The following MNAT1 variants were observed in gnomAD, a reference collection of about 807,000 sequenced individuals.
The protein encoded by MNAT1 is CDK-activating kinase assembly factor MAT1.
MNAT1 carries 43 observed loss-of-function variants against 42.0 expected under a neutral mutation model. The observed-to-expected ratio is 1.02, with a 90% CI of 0.80 to 1.32. The LOEUF (loss-of-function observed/expected upper bound fraction) is 1.32, where lower values mean the gene tolerates loss of function less well. MNAT1 is among the 40% of genes most tolerant of loss of function. MNAT1 has a pLI of 0.00. For synonymous variants in MNAT1, 118 were observed against 120.0 expected, an observed-to-expected ratio of 0.98 and a Z score of 0.11; for missense variants, 306 against 350.4, an observed-to-expected ratio of 0.87 and a Z score of 1.01.
intron 7 of MNAT1, among the ~76,000 whole-genome samples, chr14:60,906,344 T>A (rs1305327310): frequency 6.6e-6 from 1 of 152,124 alleles, no homozygotes; most frequent in Admixed American, 6.6e-5. Context: ...CATAGGAGAA[T>A]TTTGAACAGA....
chr14:60,776,575 G>C (rs1298928200), intron 1 of MNAT1, among the ~76,000 whole-genome samples: 1 of 152,104 alleles, frequency 6.6e-6, no homozygotes, highest in Non-Finnish European at 1.5e-5. Flanking sequence ...TGTCCTGGGG[G>C]GGGAGGAGCA....
chr14:60,757,193 A>G (rs1440459484), intron 1 of MNAT1, among the ~76,000 whole-genome samples: 3 of 152,138 alleles, frequency 2.0e-5, no homozygotes, highest in African/African-American at 7.2e-5. Context: ...GGAGTAATTT[A>G]TTTTGTGGAA....
At chr14:60,958,126 C>T (rs2036518968) in intron 7 of MNAT1, among the ~76,000 whole-genome samples, 1 of 152,168 alleles carries the variant, frequency 6.6e-6, no homozygotes, top group South Asian at 2.1e-4. Context: ...CTTGAGCCAC[C>T]GTGCCCACTC....
intron 7 of MNAT1, among the ~76,000 whole-genome samples, chr14:60,965,676 T>C (rs759602083): frequency 1.3e-5 from 2 of 152,246 alleles, no homozygotes; most frequent in Non-Finnish European, 2.9e-5. Context: ...TCATTTATGA[T>C]GTTTGGCTTT....
At chr14:60,741,436 G>A (rs1185463087) in intron 1 of MNAT1, among the ~76,000 whole-genome samples, 3 of 151,652 alleles carry the variant, frequency 2.0e-5, no homozygotes, top group Non-Finnish European at 2.9e-5. Flanking sequence ...CTCAGCTCAC[G>A]GCAAGCTCCG....
chr14:60,864,932 G>A (rs1293106236), intron 6 of MNAT1, among the ~76,000 whole-genome samples: 1 of 151,944 alleles, frequency 6.6e-6, no homozygotes, highest in African/African-American at 2.4e-5. Flanking sequence ...TTCTACAATG[G>A]GAATGGCAAA....
intron 1 of MNAT1, among the ~76,000 whole-genome samples, chr14:60,769,709 C>CAGTG (rs1416004788): frequency 6.6e-6 from 1 of 152,170 alleles, no homozygotes; most frequent in African/African-American, 2.4e-5. Flanking sequence ...GACTGGAGTG[C>CAGTG]AGTGGCACCA....
At chr14:60,917,978 A>T (rs575007007) in intron 7 of MNAT1, among the ~76,000 whole-genome samples, 2 of 152,090 alleles carry the variant, frequency 1.3e-5, no homozygotes, top group East Asian at 3.9e-4. Context: ...TCAAAATTCA[A>T]TTTGGATTCA....
chr14:60,951,266 CT>C (rs33970682), intron 7 of MNAT1, among the ~76,000 whole-genome samples: 2,834 of 87,870 alleles, frequency 0.032, 75 homozygotes, highest in African/African-American at 0.12. Context: ...CTTCCCCTCC[CT>C]TTTTTTTTTT....
chr14:60,900,094 T>C (rs1327685575), intron 7 of MNAT1, among the ~76,000 whole-genome samples: 1 of 144,900 alleles, frequency 6.9e-6, no homozygotes, highest in East Asian at 2.1e-4. Flanking sequence ...TACCTTGGAC[T>C]TCCCTATTCC....
chr14:60,941,809 C>T lies in MNAT1; in HGVS notation c.810-26420C>T, dbSNP rs919445694. Among the ~76,000 whole-genome samples, 6 of 150,998 alleles carry T rather than the reference C, an allele frequency of 4.0e-5. No homozygotes were observed. In the East Asian group the frequency reaches 7.8e-4, roughly 20 times the overall value. ...CATGAGGTCAGGAGATGGAGACCAT[C>T]GCAGCTAACATGGTGAAACCCCGTC... is the stretch of plus-strand genomic sequence containing the variant. On this transcript the variant is annotated intron_variant, in intron 7 of 7. Transcript: ENST00000261245.
At chr14:60,903,085 G>A (rs1349361854) in intron 7 of MNAT1, among the ~76,000 whole-genome samples, 1 of 150,990 alleles carries the variant, frequency 6.6e-6, no homozygotes, top group Non-Finnish European at 1.5e-5. Context: ...TTTTTTTCTG[G>A]TGAATGCCTC....
At chr14:60,904,755 T>TA (rs1214880830) in intron 7 of MNAT1, among the ~76,000 whole-genome samples, 1 of 151,968 alleles carries the variant, frequency 6.6e-6, no homozygotes. Context: ...AGCACTAAGT[T>TA]AAAAAAAGTA....
chr14:60,756,317 C>G (rs1268847509), intron 1 of MNAT1, among the ~76,000 whole-genome samples: 1 of 152,154 alleles, frequency 6.6e-6, no homozygotes, highest in Non-Finnish European at 1.5e-5. Flanking sequence ...AATAGAACTT[C>G]TGCATTTTGG....
intron 4 of MNAT1, among the ~76,000 whole-genome samples, chr14:60,811,771 CTAG>C (rs1002471956): frequency 3.9e-5 from 6 of 152,094 alleles, no homozygotes; most frequent in Admixed American, 3.9e-4. Context: ...CAAAATTCCA[CTAG>C]TATGGTATAA....
At position 60,968,568 on chromosome 14, in the gene MNAT1, C is replaced by T. The variant is rs1331782028; in HGVS notation, c.*219C>T. 1 of 1,288,368 alleles carries T rather than the reference C, an allele frequency of 7.8e-7. No homozygotes were observed. Among genetic ancestry groups the T allele is most frequent in the Non-Finnish European group, 1.0e-6 (1 of 961,954 alleles). 79.8% of individuals were successfully genotyped at this position (1,288,368 alleles called of 1,614,324 possible). A position where few individuals can be genotyped will look rare whatever the true frequency, so the allele number is the denominator to read the frequency against. On this transcript the variant is annotated 3_prime_UTR_variant, in exon 8 of 8. Transcript: ENST00000261245. The stretch of plus-strand genomic sequence containing the variant: ...TACTTATATTTTTCAGAGGATTTGA[C>T]ACGATAAGCCTCATCTGATGGAAGA...
In MNAT1 at chr14:60,790,176, G is replaced by T. The variant is rs140690150; in HGVS notation, c.90-6041G>T. Among the ~76,000 whole-genome samples, 515 of 152,196 alleles carry T rather than the reference G, an allele frequency of 3.4e-3. 3 individuals are homozygous for T. The highest frequency in any genetic ancestry group is 0.011 in the African/African-American group (451 of 41,548). ...ATTTTCATAGGTCATTGTAAAAATT[G>T]TAAGAATAAGATAGAAGGAGAAAGT... On this transcript the variant is annotated intron_variant, in intron 1 of 7. Transcript: ENST00000261245.
intron 1 of MNAT1, among the ~76,000 whole-genome samples, chr14:60,785,125 A>G (rs1210479964): frequency 6.6e-6 from 1 of 152,216 alleles, no homozygotes; most frequent in Non-Finnish European, 1.5e-5. Context: ...GATTATAGGC[A>G]TGAGCCACCA....
intron 7 of MNAT1, among the ~76,000 whole-genome samples, chr14:60,954,959 T>A (rs2036456188): frequency 1.3e-5 from 2 of 152,164 alleles, no homozygotes; most frequent in African/African-American, 2.4e-5. Context: ...AATGCTTTTT[T>A]TATATTTATT....
Sources: gnomAD v4.1 joint callset for allele counts (sites outside exome capture counted in the v4.1 genomes callset) on GRCh38, gnomAD v4.1.1 for gene constraint, MANE v1.5 for transcripts, NCBI Gene and HGNC (gene_info 2026-07-23, HGNC 2026-07-21) for gene names.